The following CCZ1B variants were observed in gnomAD, a reference collection of about 807,000 sequenced individuals.
CCZ1B encodes vacuolar fusion protein CCZ1 homolog B.
A neutral mutation model predicts 58.8 loss-of-function variants in CCZ1B; 25 were observed. That is an observed-to-expected ratio of 0.43 (90% CI 0.31 to 0.59). The LOEUF (loss-of-function observed/expected upper bound fraction) is 0.59. Ranked by LOEUF, CCZ1B falls within the 20% of genes least tolerant of loss-of-function variation. The probability of loss-of-function intolerance (pLI) is 0.12; values close to 1 mark genes in which losing one functional copy is unlikely to be tolerated. For missense variants in CCZ1B, 180 were observed against 501.5 expected, an observed-to-expected ratio of 0.36 and a Z score of 6.12; for synonymous variants, 66 against 173.2, an observed-to-expected ratio of 0.38 and a Z score of 4.86.
intron 8 of CCZ1B, among the ~76,000 whole-genome samples, chr7:6,813,872 G>C (rs1411308033): frequency 6.7e-6 from 1 of 149,232 alleles, no homozygotes; most frequent in Non-Finnish European, 1.5e-5. Context: ...TTGGCCAGGA[G>C]CAGTAGCTCA....
intron 6 of CCZ1B, among the ~76,000 whole-genome samples, chr7:6,821,407 G>T (rs2115128153): frequency 6.6e-6 from 1 of 152,406 alleles, no homozygotes; most frequent in Non-Finnish European, 1.5e-5. Context: ...ATGAGGACAA[G>T]AACAGAAACC....
At chr7:6,821,072 G>T (rs1288157006) in intron 6 of CCZ1B, among the ~76,000 whole-genome samples, 1 of 145,922 alleles carries the variant, frequency 6.9e-6, no homozygotes, top group African/African-American at 2.6e-5. Context: ...GCAGCGGTGC[G>T]ATCTCGGCTC....
intron 1 of CCZ1B, among the ~76,000 whole-genome samples, chr7:6,825,670 C>T (rs1251178684): frequency 7.7e-6 from 1 of 130,220 alleles, no homozygotes; most frequent in Non-Finnish European, 1.6e-5. Flanking sequence ...CACACCCCTC[C>T]CGAAATTAAT....
At chr7:6,819,123 G>GGAAAAA (rs1554259335) in intron 7 of CCZ1B, among the ~76,000 whole-genome samples, 4 of 65,658 alleles carry the variant, frequency 6.1e-5, no homozygotes, top group East Asian at 8.8e-4. Flanking sequence ...ATCTCTATAA[G>GGAAAAA]AAAAAAAAAA....
In CCZ1B at chr7:6,809,641, GACC is replaced by G. The variant is rs1032535724; in HGVS notation, c.954+2308_954+2310del. ...TCCAACATTTTGGTTTGCTTTTTCA[GACC>G]ACATCTTTCTGTATGCTCTGCCTGC... On this transcript the variant is annotated intron_variant, in intron 10 of 14. Transcript: ENST00000316731. 9.9e-5 allele frequency among the ~76,000 whole-genome samples: 12 copies of G among 121,104 alleles called. No individual in the cohort carries two copies. The East Asian group carries it at 2.2e-3, about 23-fold the overall frequency. The allele number at this position is 121,104 out of a possible 152,430, so 79.4% of individuals were successfully genotyped here.
chr7:6,811,674 C>T, intron 10 of CCZ1B: 1 of 342,690 alleles, frequency 2.9e-6, no homozygotes, highest in Non-Finnish European at 5.5e-6. Context: ...GCAGCACCAA[C>T]CTCTGACAGC....
At chr7:6,810,827 C>T (rs1261946607) in intron 10 of CCZ1B, among the ~76,000 whole-genome samples, 1 of 149,370 alleles carries the variant, frequency 6.7e-6, no homozygotes, top group East Asian at 1.9e-4. Flanking sequence ...AATCATGTTT[C>T]TTTCGAGACC....
chr7:6,825,413 A>T (rs1456602013), intron 1 of CCZ1B, among the ~76,000 whole-genome samples: 3 of 113,734 alleles, frequency 2.6e-5, no homozygotes, highest in African/African-American at 3.7e-5. Flanking sequence ...TCACTTTTCA[A>T]TTTTTTTTTT....
chr7:6,812,260 G>T lies in CCZ1B; in HGVS notation c.843-197C>A, dbSNP rs563058167. Reference sequence around the variant, plus strand: ...TCCCAGCACTTTGGGAGGCTGAGCTGGGTGGATCACCTGAAGTCAGGAGTT... The same window carrying T: ...TCCCAGCACTTTGGGAGGCTGAGCTTGGTGGATCACCTGAAGTCAGGAGTT... On this transcript the variant is annotated intron_variant, in intron 9 of 14. Coordinates refer to ENST00000316731, the MANE Select transcript of CCZ1B (RefSeq NM_198097.5). 1.3e-5 allele frequency: 7 copies of T among 550,972 alleles called. No homozygotes were observed. The East Asian group carries it at 2.1e-4, about 16-fold the overall frequency. The allele number at this position is 550,972 out of a possible 1,614,324, so 34.1% of individuals were successfully genotyped here.
At chr7:6,817,299 C>CT (rs2115122421) in intron 7 of CCZ1B, among the ~76,000 whole-genome samples, 1 of 151,720 alleles carries the variant, frequency 6.6e-6, no homozygotes, top group South Asian at 2.1e-4. Flanking sequence ...GTCACTCTGG[C>CT]TCCAGGGTCT....
At chr7:6,823,114 A>T (rs541828140) in intron 5 of CCZ1B, among the ~76,000 whole-genome samples, 199 bp downstream of exon 5, 12 of 149,012 alleles carry the variant, frequency 8.1e-5, no homozygotes, top group African/African-American at 3.0e-4. Context: ...GGCTGAGAAA[A>T]GAGAAGGGAG....
chr7:6,804,398 C>T (rs1782806792), intron 12 of CCZ1B, among the ~76,000 whole-genome samples: 1 of 128,480 alleles, frequency 7.8e-6, no homozygotes, highest in African/African-American at 2.9e-5. Flanking sequence ...ACACTCCAGC[C>T]TGGGCGACAG....
At chr7:6,817,285 G>A (rs1334544927) in intron 7 of CCZ1B, among the ~76,000 whole-genome samples, 2 of 151,588 alleles carry the variant, frequency 1.3e-5, no homozygotes, top group Non-Finnish European at 2.9e-5. Context: ...GGCCAACGCT[G>A]CTGGTCACTC....
At chr7:6,821,551 C>A (rs1783110689) in intron 6 of CCZ1B, among the ~76,000 whole-genome samples, 1 of 152,220 alleles carries the variant, frequency 6.6e-6, no homozygotes, top group Admixed American at 6.5e-5. Flanking sequence ...AAAATAGATA[C>A]AGAAGGTATT....
At chr7:6,809,225 G>A (rs1331176419) in intron 10 of CCZ1B, among the ~76,000 whole-genome samples, 14 of 113,792 alleles carry the variant, frequency 1.2e-4, no homozygotes, top group African/African-American at 4.7e-4. Context: ...AGGTGGTCAC[G>A]GGGACTCCCA....
chr7:6,824,471 T>G lies in CCZ1B; in HGVS notation c.296A>C (p.Asn99Thr). 6.2e-7 allele frequency: 1 copy of G among 1,605,968 alleles called. No individual in the cohort carries two copies. Among genetic ancestry groups the G allele is most frequent in the Non-Finnish European group, 8.5e-7 (1 of 1,177,788 alleles). ...NRQFFNEPEE[N>T]FWMVMVVRNP... ...TGTAAATACCATGACCATCCAGAAA[T>G]TTTCTTCTGGTTCATTGAAGAACTG... The change falls in exon 3 of 15, where the codon AAT becomes ACT. Residue 99 changes from asparagine to threonine, a missense_variant. Transcript: ENST00000316731.
chr7:6,823,454 A>G (rs1372273603), intron 4 of CCZ1B, 94 bp from the exon 5 acceptor site: 5 of 1,543,768 alleles, frequency 3.2e-6, no homozygotes, highest in Admixed American at 1.9e-5. Context: ...TTGGCCAAAC[A>G]GTATAATGTT....
At position 6,823,178 on chromosome 7, in the gene CCZ1B, C is replaced by A. The variant is rs887498531; in HGVS notation, c.438+135G>T. ...TAAACCTCACTACCTGTTTCAAAGG[C>A]CTCATTATTTTCTTCTCTAAGACAA... On this transcript the variant is annotated intron_variant, in intron 5 of 14. Coordinates refer to ENST00000316731, the MANE Select transcript of CCZ1B (RefSeq NM_198097.5). 6.3e-6 allele frequency: 6 copies of A among 956,110 alleles called. 1 individual carries two copies. In the African/African-American group the frequency reaches 8.7e-5, roughly 14 times the overall value. 59.2% of individuals were successfully genotyped at this position (956,110 alleles called of 1,614,324 possible). A position where few individuals can be genotyped will look rare whatever the true frequency, so the allele number is the denominator to read the frequency against.
intron 6 of CCZ1B, among the ~76,000 whole-genome samples, chr7:6,821,023 C>A (rs1337867053): frequency 4.0e-5 from 6 of 149,318 alleles, no homozygotes; most frequent in Admixed American, 3.3e-4. Flanking sequence ...TTTATTTCCC[C>A]CCCGAGATGG....
Sources: allele counts gnomAD v4.1 joint callset (sites outside exome capture counted in the v4.1 genomes callset), GRCh38; gene constraint gnomAD v4.1.1; transcripts MANE v1.5; gene names NCBI Gene and HGNC (gene_info 2026-07-23, HGNC 2026-07-21).